The following CAPS2 variants were observed in gnomAD, a reference collection of about 807,000 sequenced individuals.
CAPS2 encodes the protein calcyphosine 2.
In CAPS2, 98 loss-of-function variants were observed where a neutral mutation model predicts 86.5. The ratio of observed to expected loss-of-function variants is 1.13; its 90% CI spans 0.96 to 1.34. The LOEUF is 1.34. Among genes scored for constraint, CAPS2 ranks in the 40% most tolerant of loss-of-function variants. The pLI is 0.00. For synonymous variants in CAPS2, 210 were observed against 225.1 expected, an observed-to-expected ratio of 0.93 and a Z score of 0.60; for missense variants, 729 against 686.8, an observed-to-expected ratio of 1.06 and a Z score of -0.69.
At chr12:75,379,134 A>T (rs559237013) in intron 1 of CAPS2, among the ~76,000 whole-genome samples, 39 of 152,302 alleles carry the variant, frequency 2.6e-4, no homozygotes, top group East Asian at 2.5e-3. Flanking sequence ...ATACTTATTC[A>T]TTCAAGAGCA....
At chr12:75,305,488 G>T (rs1173049964) in intron 7 of CAPS2, 1 of 586,006 alleles carries the variant, frequency 1.7e-6, no homozygotes, top group Non-Finnish European at 3.2e-6. Context: ...CAACTTTGCA[G>T]CCGAGGCCTC....
chr12:75,315,744 T>C (rs556480322), intron 6 of CAPS2, among the ~76,000 whole-genome samples: 2 of 152,280 alleles, frequency 1.3e-5, no homozygotes, highest in South Asian at 4.1e-4. Context: ...GTTTCTGGGG[T>C]GGTCAGTGAC....
At chr12:75,310,437 T>TAA (rs1194128733) in intron 7 of CAPS2, among the ~76,000 whole-genome samples, 6 of 151,788 alleles carry the variant, frequency 4.0e-5, no homozygotes, top group African/African-American at 1.2e-4. Flanking sequence ...GAGGGGAAAA[T>TAA]AAATGCAAAG....
rs977352946 is a variant in CAPS2 at position 75,316,397 on chromosome 12, G to C, written c.506C>G (p.Thr169Arg). Residue 169 changes from threonine (T) to arginine (R), a missense_variant, in exon 6 of 17, where the codon ACG becomes AGG. Transcript: ENST00000393284. ...TAAGATGGCTTTCCTATCCAGAGTC[G>C]TAAGGTCATCTGTGTTGGCTTCTTC... The C allele has an allele frequency of 9.0e-6, 14 of 1,550,642 alleles. No homozygotes were observed. In the East Asian group the frequency reaches 3.4e-4, roughly 38 times the overall value.
At chr12:75,276,279 GT>G, downstream of CAPS2, 1 of 1,530,216 alleles carries the variant, frequency 6.5e-7, no homozygotes. Flanking sequence ...CAGGGTACAT[GT>G]TTTATATTTG....
At chr12:75,353,341 C>T (rs966936280) in intron 1 of CAPS2, among the ~76,000 whole-genome samples, 15 of 152,140 alleles carry the variant, frequency 9.9e-5, no homozygotes, top group East Asian at 5.8e-4. Context: ...GAAATACAAA[C>T]AACCATCAGA....
intron 1 of CAPS2, among the ~76,000 whole-genome samples, chr12:75,341,439 C>CT (rs1302519489): frequency 1.3e-5 from 2 of 151,428 alleles, no homozygotes; most frequent in Non-Finnish European, 2.9e-5. Flanking sequence ...ATATAACATT[C>CT]TTTTTTTCTT....
intron 6 of CAPS2, among the ~76,000 whole-genome samples, chr12:75,314,840 C>T (rs967960577): frequency 2.0e-5 from 3 of 151,836 alleles, no homozygotes; most frequent in East Asian, 1.9e-4. Flanking sequence ...GGTTAGAACC[C>T]GTAGGCACAC....
At chr12:75,334,536 T>C, upstream of CAPS2, 1 of 1,395,796 alleles carries the variant, frequency 7.2e-7, no homozygotes, top group East Asian at 2.6e-5. Context: ...CAGAGCTTTG[T>C]GGAAGGGGAA....
At chr12:75,374,082 T>C (rs1227828632) in intron 1 of CAPS2, among the ~76,000 whole-genome samples, 1 of 152,152 alleles carries the variant, frequency 6.6e-6, no homozygotes, top group Non-Finnish European at 1.5e-5. Context: ...AGGGCTTTGC[T>C]CCAAAATCCT....
At chr12:75,342,439 A>G (rs1447557317) in intron 1 of CAPS2, among the ~76,000 whole-genome samples, 1 of 152,204 alleles carries the variant, frequency 6.6e-6, no homozygotes, top group East Asian at 1.9e-4. Flanking sequence ...TGAATTTATA[A>G]TTAGTTAAAA....
chr12:75,363,078 A>G, intron 1 of CAPS2: 1 of 1,295,806 alleles, frequency 7.7e-7, no homozygotes, highest in Non-Finnish European at 1.1e-6. Context: ...CCATTTGGCT[A>G]ATCAATGTTT....
intron 1 of CAPS2, among the ~76,000 whole-genome samples, chr12:75,379,582 G>A (rs141295498): frequency 2.0e-5 from 3 of 152,232 alleles, no homozygotes; most frequent in Non-Finnish European, 4.4e-5. Context: ...TCTAGGCTTA[G>A]CTTTTTCAAA....
chr12:75,278,397 T>A lies in CAPS2; in HGVS notation c.*493A>T, dbSNP rs79064106. On this transcript the variant is annotated 3_prime_UTR_variant, in exon 17 of 17. Transcript: ENST00000393284. ...TTGCATATCCTTTAATATTTTCATG[T>A]GTTAAAAACACATTGAATTATCTCA... The A allele has an allele frequency of 1.2e-3, 1,144 of 983,778 alleles. 51 individuals carry two copies. In the East Asian group the frequency reaches 0.085, roughly 73 times the overall value. The allele number at this position is 983,778 out of a possible 1,614,324, so 60.9% of individuals were successfully genotyped here.
intron 1 of CAPS2, chr12:75,390,791 C>T: frequency 1.8e-6 from 1 of 543,062 alleles, no homozygotes; most frequent in Non-Finnish European, 3.7e-6. Flanking sequence ...GAAATCAATT[C>T]GGGATAACAT....
intron 13 of CAPS2, among the ~76,000 whole-genome samples, chr12:75,290,816 G>C (rs968602964): frequency 6.6e-6 from 1 of 151,764 alleles, no homozygotes; most frequent in Admixed American, 6.6e-5. Flanking sequence ...TGGCTACTCA[G>C]GAGGCTTGAG....
At chr12:75,300,938 C>A (rs1448142153) in intron 8 of CAPS2, among the ~76,000 whole-genome samples, 1 of 152,298 alleles carries the variant, frequency 6.6e-6, no homozygotes, top group Non-Finnish European at 1.5e-5. Flanking sequence ...TAGCTGAAAA[C>A]ATTCCTTACC....
At chr12:75,347,804 A>T (rs1331405908) in intron 1 of CAPS2, 2 of 741,104 alleles carry the variant, frequency 2.7e-6, no homozygotes, top group Non-Finnish European at 4.4e-6. Context: ...TATACTAGAC[A>T]CAAGTGTATT....
chr12:75,320,397 T>C (rs1023535785), intron 5 of CAPS2, among the ~76,000 whole-genome samples: 1 of 152,134 alleles, frequency 6.6e-6, no homozygotes, highest in Non-Finnish European at 1.5e-5. Context: ...CTGCAAACAA[T>C]ACATGGTGAG....
Sources: gnomAD v4.1 joint callset for allele counts (sites outside exome capture counted in the v4.1 genomes callset) on GRCh38, gnomAD v4.1.1 for gene constraint, MANE v1.5 for transcripts, NCBI Gene and HGNC (gene_info 2026-07-23, HGNC 2026-07-21) for gene names.